The following INO80 variants were observed in gnomAD, a reference collection of about 807,000 sequenced individuals.
INO80 encodes the protein INO80 complex ATPase subunit.
INO80 carries 20 observed loss-of-function variants against 203.4 expected under a neutral mutation model. That is an observed-to-expected ratio of 0.10 (90% confidence interval 0.07 to 0.14). The LOEUF is 0.14. Ranked by LOEUF, INO80 falls within the 10% of genes least tolerant of loss-of-function variation. The pLI is 1.00. For synonymous variants in INO80, 726 were observed against 685.2 expected (o/e 1.06, Z -0.93); for missense variants, 1,419 against 1,914.4 (o/e 0.74, Z 4.83).
intron 27 of INO80, among the ~76,000 whole-genome samples, chr15:41,007,302 C>G (rs1429863077): frequency 6.6e-6 from 1 of 151,594 alleles, no homozygotes; most frequent in African/African-American, 2.4e-5. Context: ...CCTGCCTCAG[C>G]CTCCCTAGCA....
intron 24 of INO80, among the ~76,000 whole-genome samples, chr15:41,029,557 G>A (rs2044429424): frequency 1.3e-5 from 2 of 152,128 alleles, no homozygotes; most frequent in Admixed American, 6.6e-5. Context: ...GATATGTTTG[G>A]CCTTTTCTCT....
chr15:41,112,786 C>CA (rs893121991), intron 1 of INO80, among the ~76,000 whole-genome samples: 8,559 of 19,036 alleles, frequency 0.45, 2,667 homozygotes, highest in Non-Finnish European at 0.6. Context: ...GACTCCATCT[C>CA]AAAAAAAAAA....
At chr15:41,109,959 G>A (rs2045935612) in intron 1 of INO80, among the ~76,000 whole-genome samples, 1 of 150,996 alleles carries the variant, frequency 6.6e-6, no homozygotes, top group Admixed American at 6.6e-5. Flanking sequence ...TCCAGGCGTG[G>A]TGATGGGTGG....
At chr15:41,007,219 G>A (rs901434298) in intron 27 of INO80, among the ~76,000 whole-genome samples, 3 of 120,454 alleles carry the variant, frequency 2.5e-5, no homozygotes, top group Admixed American at 1.2e-4. Flanking sequence ...TGTCTTGCTC[G>A]TCACCCAAGC....
chr15:41,085,294 T>C, intron 7 of INO80, 75 bp downstream of exon 7: 1 of 1,255,096 alleles, frequency 8.0e-7, no homozygotes, highest in Non-Finnish European at 1.2e-6. Flanking sequence ...AGTATCTAGC[T>C]CTCAGAGTTC....
chr15:41,015,651 G>A (rs1277420087), intron 27 of INO80, among the ~76,000 whole-genome samples: 3 of 151,582 alleles, frequency 2.0e-5, no homozygotes, highest in Non-Finnish European at 4.4e-5. Context: ...AAGGAGTTTT[G>A]GGGGCTGCGT....
At chr15:40,982,179 C>T (rs1048272928) in intron 35 of INO80, among the ~76,000 whole-genome samples, 1 of 152,178 alleles carries the variant, frequency 6.6e-6, no homozygotes. Context: ...GAGAGTCTTG[C>T]TCTGTCACCC....
rs12438816 is a variant in INO80, at chr15:40,985,535, T to G, written c.3833-109A>C. The G allele has an allele frequency of 0.019, 15,917 of 832,620 alleles. 2,249 individuals are homozygous for G. In the Admixed American group the frequency reaches 0.26, roughly 13 times the overall value. 51.6% of individuals were successfully genotyped at this position (832,620 alleles called of 1,614,324 possible). A position where few individuals can be genotyped will look rare whatever the true frequency, so the allele number is the denominator to read the frequency against. ...CTGATGTTTATTTTCCAAGTATCACTTCTATCTGTTTAAGGCAGATAACCA... is the reference window on the plus strand; with the variant it reads ...CTGATGTTTATTTTCCAAGTATCACGTCTATCTGTTTAAGGCAGATAACCA... On this transcript the variant is annotated intron_variant, in intron 31 of 35. Coordinates refer to ENST00000648947, the MANE Select transcript of INO80 (RefSeq NM_017553.3).
intron 5 of INO80, among the ~76,000 whole-genome samples, chr15:41,090,533 G>A (rs1483452147): frequency 2.0e-5 from 3 of 152,086 alleles, no homozygotes; most frequent in South Asian, 2.1e-4. Context: ...CCAAGATCGC[G>A]CCACTGCACT....
At chr15:41,109,457 A>G (rs1468847893) in intron 1 of INO80, among the ~76,000 whole-genome samples, 2 of 151,778 alleles carry the variant, frequency 1.3e-5, no homozygotes, top group Non-Finnish European at 2.9e-5. Flanking sequence ...CAAAAAAAGT[A>G]CTAATGAGTA....
At chr15:41,054,887 C>CT (rs2044955293) in intron 18 of INO80, among the ~76,000 whole-genome samples, 1 of 152,194 alleles carries the variant, frequency 6.6e-6, no homozygotes. Flanking sequence ...ATCCGCCCAC[C>CT]TTAGCCTCCC....
intron 16 of INO80, among the ~76,000 whole-genome samples, chr15:41,057,175 C>A (rs971435591): frequency 6.6e-6 from 1 of 152,130 alleles, no homozygotes; most frequent in Non-Finnish European, 1.5e-5. Context: ...TATGCTCCTT[C>A]GAACAACTGC....
chr15:41,021,556 G>C (rs1312748695), intron 25 of INO80, among the ~76,000 whole-genome samples: 1 of 152,190 alleles, frequency 6.6e-6, no homozygotes, highest in East Asian at 1.9e-4. Context: ...AAGAATATTG[G>C]CCTGGCATAT....
At chr15:41,039,268 C>T (rs77370138) in intron 24 of INO80, among the ~76,000 whole-genome samples, 63 of 152,300 alleles carry the variant, frequency 4.1e-4, no homozygotes, top group Non-Finnish European at 7.4e-4. Flanking sequence ...TGAGCCAACA[C>T]CACACCTGGC....
chr15:41,098,428 A>G (rs2045756858), intron 1 of INO80, among the ~76,000 whole-genome samples: 2 of 152,194 alleles, frequency 1.3e-5, no homozygotes, highest in South Asian at 4.1e-4. Flanking sequence ...TAATCCCAGC[A>G]CTCTGGGAGA....
intron 1 of INO80, among the ~76,000 whole-genome samples, chr15:41,102,867 A>C (rs996757498): frequency 6.6e-6 from 1 of 152,134 alleles, no homozygotes; most frequent in South Asian, 2.1e-4. Flanking sequence ...TCCTTGACTG[A>C]AACTTTATTC....
intron 35 of INO80, among the ~76,000 whole-genome samples, chr15:40,981,696 C>G (rs924761961): frequency 1.3e-5 from 2 of 152,202 alleles, no homozygotes; most frequent in Non-Finnish European, 2.9e-5. Context: ...TCTCACCACA[C>G]TCAAATGTCC....
chr15:40,991,637 A>G (rs1238234018), intron 29 of INO80, among the ~76,000 whole-genome samples: 1 of 152,070 alleles, frequency 6.6e-6, no homozygotes, highest in Non-Finnish European at 1.5e-5. Context: ...CAATGCCTTC[A>G]TGACATTGTA....
chr15:40,987,677 A>AT, intron 30 of INO80, 139 bp downstream of exon 30: 1 of 849,486 alleles, frequency 1.2e-6, no homozygotes. Context: ...ACCTGATTTT[A>AT]TTTTCTATTC....
Sources: gnomAD v4.1 joint callset for allele counts (sites outside exome capture counted in the v4.1 genomes callset) on GRCh38, gnomAD v4.1.1 for gene constraint, MANE v1.5 for transcripts, NCBI Gene and HGNC (gene_info 2026-07-23, HGNC 2026-07-21) for gene names.